Variants in PRUNE1 observed in about 807,000 individuals in gnomAD.
The protein encoded by PRUNE1 is prune exopolyphosphatase 1.
PRUNE1 carries 25 observed loss-of-function variants against 42.5 expected under a neutral mutation model. That is an observed-to-expected ratio of 0.59 (90% CI 0.43 to 0.82). The LOEUF (loss-of-function observed/expected upper bound fraction) is 0.82. Ranked by LOEUF, PRUNE1 falls within the 40% of genes least tolerant of loss-of-function variation. The pLI is 0.00. For missense variants in PRUNE1, 443 were observed against 539.3 expected, an observed-to-expected ratio of 0.82 and a Z score of 1.77; for synonymous variants, 203 against 217.1, an observed-to-expected ratio of 0.93 and a Z score of 0.57.
Position 151,028,569 on chromosome 1 carries a change from A to G in PRUNE1, c.775-217A>G, listed in dbSNP as rs1675027068. On this transcript the variant is annotated intron_variant, in intron 6 of 7. Transcript: ENST00000271620. ...CTCCTGAGTAGCTGGGATTACAGGC[A>G]TATGCCCCCATGCCCGGCTAATTTT... 2.6e-5 allele frequency among the ~76,000 whole-genome samples: 4 copies of G among 152,096 alleles called. No individual in the cohort carries two copies. In the South Asian group the frequency reaches 6.2e-4, roughly 24 times the overall value.
At chr1:151,009,130 C>T (rs587643559) in intron 1 of PRUNE1, among the ~76,000 whole-genome samples, 17 of 152,260 alleles carry the variant, frequency 1.1e-4, no homozygotes, top group African/African-American at 3.9e-4. Context: ...GTGGAGGGAA[C>T]CGGTGCTCAC....
At chr1:151,010,710 G>A (rs1404454878) in intron 1 of PRUNE1, among the ~76,000 whole-genome samples, 2 of 137,436 alleles carry the variant, frequency 1.5e-5, no homozygotes, top group African/African-American at 2.7e-5. Context: ...TCACTCTGTC[G>A]CCCAGGCTGG....
intron 7 of PRUNE1, among the ~76,000 whole-genome samples, chr1:151,030,977 A>G (rs942432021): frequency 1.3e-5 from 2 of 152,176 alleles, no homozygotes; most frequent in Non-Finnish European, 2.9e-5. Flanking sequence ...CAGAGTAAGC[A>G]CTTTGTAAAT....
rs752789540 is a variant in PRUNE1 at position 151,020,982 on chromosome 1, TA to T, written c.335+2328del. Among the ~76,000 whole-genome samples the T allele has an allele frequency of 4.1e-3, 563 of 135,688 alleles. 1 individual carries two copies. Among genetic ancestry groups the T allele is most frequent in the East Asian group, 5.5e-3 (26 of 4,702 alleles). The allele number at this position is 135,688 out of a possible 152,430, so 89.0% of individuals were successfully genotyped here. On this transcript the variant is annotated intron_variant, in intron 3 of 7. Coordinates refer to ENST00000271620, the MANE Select transcript of PRUNE1 (RefSeq NM_021222.3). ...TGGGCGACAGAGCAAGACTCCATCT[TA>T]AAAAAAAAAAAAAATAGCTGGGCGT...
intron 2 of PRUNE1, among the ~76,000 whole-genome samples, chr1:151,018,144 GT>G: frequency 6.6e-6 from 1 of 152,174 alleles, no homozygotes; most frequent in East Asian, 1.9e-4. Flanking sequence ...TATTCAAACA[GT>G]TTATTACTGA....
chr1:151,021,146 CAAA>C (rs1162451001), intron 3 of PRUNE1, among the ~76,000 whole-genome samples: 5 of 80,590 alleles, frequency 6.2e-5, no homozygotes, highest in Admixed American at 2.9e-4. Flanking sequence ...TGCTCTGTCT[CAAA>C]AAAAAAAAAA....
chr1:151,009,118 G>T (rs113043823), intron 1 of PRUNE1, among the ~76,000 whole-genome samples: 2 of 152,210 alleles, frequency 1.3e-5, no homozygotes, highest in African/African-American at 4.8e-5. Flanking sequence ...AACCTCGGGG[G>T]TGTGGAGGGA....
At chr1:151,028,977 C>G in intron 7 of PRUNE1, 33 bp downstream of exon 7, 2 of 1,580,008 alleles carry the variant, frequency 1.3e-6, no homozygotes, top group Non-Finnish European at 1.7e-6. Flanking sequence ...ACCTAAGAGC[C>G]TTACAGAGTC....
intron 1 of PRUNE1, among the ~76,000 whole-genome samples, chr1:151,010,766 C>A (rs1233197235): frequency 6.8e-6 from 1 of 147,152 alleles, no homozygotes. Flanking sequence ...AGCGATTCTT[C>A]TGCCTCAGCC....
rs973177363 is a variant in PRUNE1, at chr1:151,034,843, T to C, written c.*609T>C. The C allele has an allele frequency of 6.4e-6, 1 of 156,730 alleles. No individual in the cohort carries two copies. Among genetic ancestry groups the C allele is most frequent in the Non-Finnish European group, 1.4e-5 (1 of 70,592 alleles). The allele number at this position is 156,730 out of a possible 1,614,324, so 9.7% of individuals were successfully genotyped here. On this transcript the variant is annotated 3_prime_UTR_variant, in exon 8 of 8. Coordinates refer to ENST00000271620, the MANE Select transcript of PRUNE1 (RefSeq NM_021222.3). ...TTATTGTGACTGTTTCAGATCTAGTTTGGGAACAGATTAGAGGCCATTGTC... is the reference window on the plus strand; with the variant it reads ...TTATTGTGACTGTTTCAGATCTAGTCTGGGAACAGATTAGAGGCCATTGTC...
chr1:151,008,454 C>G lies in PRUNE1; in HGVS notation c.-179C>G. On this transcript the variant is annotated 5_prime_UTR_variant, in exon 1 of 8. Transcript: ENST00000271620. ...GCGACGCCGGACTCCGGAGCGCCCG[C>G]TTACGCAGTTCCTCCCGGGGTCGGA... 9.1e-7 allele frequency: 1 copy of G among 1,095,942 alleles called. No individual in the cohort carries two copies. Among genetic ancestry groups the G allele is most frequent in the Non-Finnish European group, 1.3e-6 (1 of 752,694 alleles). The allele number at this position is 1,095,942 out of a possible 1,614,324, so 67.9% of individuals were successfully genotyped here.
Position 151,034,432 on chromosome 1 carries a change from C to T in PRUNE1, c.*198C>T, listed in dbSNP as rs888696903. 3 of 584,798 alleles carry T rather than the reference C, an allele frequency of 5.1e-6. No homozygotes were observed. Among genetic ancestry groups the T allele is most frequent in the African/African-American group, 3.7e-5 (2 of 53,748 alleles). The allele number at this position is 584,798 out of a possible 1,614,324, so 36.2% of individuals were successfully genotyped here. On this transcript the variant is annotated 3_prime_UTR_variant, in exon 8 of 8. Transcript: ENST00000271620. ...GTTTTCCACCTTTTCCCCCTAATCTCTACCAATCAGACACATTTTATTATT... is the reference window on the plus strand; with the variant it reads ...GTTTTCCACCTTTTCCCCCTAATCTTTACCAATCAGACACATTTTATTATT...
chr1:151,010,136 T>C (rs1227232906), intron 1 of PRUNE1, among the ~76,000 whole-genome samples: 1 of 152,180 alleles, frequency 6.6e-6, no homozygotes, highest in Non-Finnish European at 1.5e-5. Flanking sequence ...AGGGTCTCAC[T>C]CTGTTGCCCT....
rs142195036 is a variant in PRUNE1, at chr1:151,014,424, G to A, written c.40-3388G>A. 6.6e-5 allele frequency among the ~76,000 whole-genome samples: 10 copies of A among 152,272 alleles called. No individual in the cohort carries two copies. In the East Asian group the frequency reaches 1.4e-3, roughly 21 times the overall value. On this transcript the variant is annotated intron_variant, in intron 1 of 7. Coordinates refer to ENST00000271620, the MANE Select transcript of PRUNE1 (RefSeq NM_021222.3). Reference sequence around the variant, plus strand: ...TCCAGGGATGGGAGTAGGAGATGGCGACGAGGGTGGTTTAAAAACAAAAAC... The same window carrying A: ...TCCAGGGATGGGAGTAGGAGATGGCAACGAGGGTGGTTTAAAAACAAAAAC...
chr1:151,015,099 G>A (rs1011102871), intron 1 of PRUNE1, among the ~76,000 whole-genome samples: 4 of 152,100 alleles, frequency 2.6e-5, no homozygotes, highest in Admixed American at 1.3e-4. Context: ...AAGCTGAGGC[G>A]GGCGGATCAC....
chr1:151,027,123 C>G, intron 5 of PRUNE1, 110 bp from the exon 6 acceptor site: 1 of 672,602 alleles, frequency 1.5e-6, no homozygotes, highest in Admixed American at 2.6e-5. Context: ...ATTCATTGCC[C>G]CAAAGAGAGG....
At chr1:151,019,589 T>TTTATTGTAATA (rs1674297846) in intron 3 of PRUNE1, among the ~76,000 whole-genome samples, 1 of 150,888 alleles carries the variant, frequency 6.6e-6, no homozygotes, top group Admixed American at 6.6e-5. Context: ...CTGAGACAGA[T>TTTATTGTAATA]TTATTGTAAT....
chr1:151,020,990 A>C (rs1291009174), intron 3 of PRUNE1, among the ~76,000 whole-genome samples: 1 of 151,806 alleles, frequency 6.6e-6, no homozygotes, highest in Non-Finnish European at 1.5e-5. Context: ...CTTAAAAAAA[A>C]AAAAAAATAG....
rs372400046 is a variant in PRUNE1, at chr1:151,033,802, T to A, written c.934-4T>A. 5.0e-6 allele frequency: 8 copies of A among 1,611,232 alleles called. No individual in the cohort carries two copies. The African/African-American group carries it at 1.1e-4, about 22-fold the overall frequency. On this transcript the variant is annotated splice_region_variant and splice_polypyrimidine_tract_variant and intron_variant, in intron 7 of 7. Transcript: ENST00000271620. ...TCATTTCCCTGTTATTGTCTCCTCT[T>A]TAGATCTGTGAAGTCCTGGAACGCT...
Sources: allele counts gnomAD v4.1 joint callset (sites outside exome capture counted in the v4.1 genomes callset), GRCh38; gene constraint gnomAD v4.1.1; transcripts MANE v1.5; gene names NCBI Gene and HGNC (gene_info 2026-07-23, HGNC 2026-07-21).